Variants in SORL1 observed in about 807,000 individuals in gnomAD.
The protein encoded by SORL1 is sortilin related receptor 1.
SORL1 carries 127 observed loss-of-function variants against 273.7 expected under a neutral mutation model. The ratio of observed to expected loss-of-function variants is 0.46; its 90% CI spans 0.40 to 0.54. The LOEUF is 0.54. Among genes scored for constraint, SORL1 ranks in the 20% least tolerant of loss-of-function variants. SORL1 has a pLI of 0.00. For missense variants in SORL1, 2,494 were observed against 2,846.1 expected (o/e 0.88, Z 2.81); for synonymous variants, 1,031 against 1,067.4 (o/e 0.97, Z 0.66).
At chr11:121,490,464 G>A (rs911548713) in intron 5 of SORL1, among the ~76,000 whole-genome samples, 4 of 152,098 alleles carry the variant, frequency 2.6e-5, no homozygotes, top group African/African-American at 7.2e-5. Context: ...ATTTCGCTGG[G>A]TGCAGTGGCT....
intron 14 of SORL1, among the ~76,000 whole-genome samples, chr11:121,546,606 A>G (rs1862430530): frequency 6.6e-6 from 1 of 152,208 alleles, no homozygotes; most frequent in Non-Finnish European, 1.5e-5. Flanking sequence ...CCTCTGATGT[A>G]TTCTAGACCA....
rs370926618 is a variant in SORL1, at chr11:121,614,864, T to G, written c.5420-7T>G. On this transcript the variant is annotated splice_polypyrimidine_tract_variant and splice_region_variant and intron_variant, in intron 40 of 47. Transcript: ENST00000260197. ...CCTCCTGGAATCTCCTTTTCCTGTT[T>G]TCACAGTTGGCAATCTGACAGCTCA... The G allele has an allele frequency of 2.5e-6, 4 of 1,611,642 alleles. No individual in the cohort carries two copies. The highest frequency in any genetic ancestry group is 2.7e-5 in the African/African-American group (2 of 74,852).
intron 40 of SORL1, among the ~76,000 whole-genome samples, chr11:121,614,062 C>T (rs1863606710): frequency 6.6e-6 from 1 of 152,284 alleles, no homozygotes; most frequent in South Asian, 2.1e-4. Context: ...GGCCTTAAAC[C>T]CCAGTCCTTC....
Position 121,523,016 on chromosome 11 carries a change from C to G in SORL1, c.1596+27C>G, listed in dbSNP as rs747084620. Reference sequence around the variant, plus strand: ...TCAGCCCCCTCCCCCAATCCCGTCCCCTCCACCCTCATTCCCATTTGTGTG... The same window carrying G: ...TCAGCCCCCTCCCCCAATCCCGTCCGCTCCACCCTCATTCCCATTTGTGTG... On this transcript the variant is annotated intron_variant, in intron 11 of 47. Coordinates refer to ENST00000260197, the MANE Select transcript of SORL1 (RefSeq NM_003105.6). 4.2e-6 allele frequency: 6 copies of G among 1,432,452 alleles called. No individual in the cohort carries two copies. In the African/African-American group the frequency reaches 8.4e-5, roughly 20 times the overall value. 88.7% of individuals were successfully genotyped at this position (1,432,452 alleles called of 1,614,324 possible). A position where few individuals can be genotyped will look rare whatever the true frequency, so the allele number is the denominator to read the frequency against.
At chr11:121,465,893 G>C (rs1357491574) in intron 1 of SORL1, among the ~76,000 whole-genome samples, 1 of 152,154 alleles carries the variant, frequency 6.6e-6, no homozygotes. Flanking sequence ...CGGTAGGCGT[G>C]GAGTGGGGCC....
In SORL1 at chr11:121,550,996, G is replaced by C. The variant is rs547683573; in HGVS notation, c.2266+326G>C. ...CTTTTGTGTGTTCCTTAATCTGTTT[G>C]TCAAAGTTGAGTATAAAGAGGTGTG... On this transcript the variant is annotated intron_variant, in intron 16 of 47. Coordinates refer to ENST00000260197, the MANE Select transcript of SORL1 (RefSeq NM_003105.6). The surrounding 1 kb of genome is among the most constrained non-coding windows in gnomAD (Gnocchi z 5.3). Among the ~76,000 whole-genome samples the C allele has an allele frequency of 1.3e-5, 2 of 152,316 alleles. No individual in the cohort carries two copies. Among genetic ancestry groups the C allele is most frequent in the African/African-American group, 4.8e-5 (2 of 41,570 alleles).
Position 121,559,706 on chromosome 11 carries a change from G to A in SORL1, c.3049+49G>A, listed in dbSNP as rs578175118. ...TCTCTGTAGAGTTGATCTCAAGAAAGGGGCTGCGTGTGGCCAATCTCTGCT... is the reference window on the plus strand; with the variant it reads ...TCTCTGTAGAGTTGATCTCAAGAAAAGGGCTGCGTGTGGCCAATCTCTGCT... On this transcript the variant is annotated intron_variant, in intron 21 of 47. Coordinates refer to ENST00000260197, the MANE Select transcript of SORL1 (RefSeq NM_003105.6). 6.9e-6 allele frequency: 11 copies of A among 1,583,970 alleles called. No individual in the cohort carries two copies. The African/African-American group carries it at 8.1e-5, about 12-fold the overall frequency.
chr11:121,459,457 T>A (rs777968168), intron 1 of SORL1, among the ~76,000 whole-genome samples: 144 of 152,258 alleles, frequency 9.5e-4, no homozygotes, highest in Non-Finnish European at 4.3e-4. Context: ...CAGGAGACAG[T>A]GGTCCTTCTT....
chr11:121,576,874 C>T (rs1341142760), intron 24 of SORL1: 1 of 1,535,636 alleles, frequency 6.5e-7, no homozygotes, highest in Non-Finnish European at 8.7e-7. Context: ...CACTCCTTTT[C>T]TCAAACCACA....
chr11:121,554,123 T>C lies in SORL1; in HGVS notation c.2439+14T>C, dbSNP rs779680941. 2 of 1,610,690 alleles carry C rather than the reference T, an allele frequency of 1.2e-6. No individual in the cohort carries two copies. Among genetic ancestry groups the C allele is most frequent in the Admixed American group, 1.7e-5 (1 of 59,876 alleles). ...GACGTCATCCAGGTGAGTCAGCGCTTGGTCTGACTGTGGGAGCTGTGCATC... is the reference window on the plus strand; with the variant it reads ...GACGTCATCCAGGTGAGTCAGCGCTCGGTCTGACTGTGGGAGCTGTGCATC... On this transcript the variant is annotated intron_variant, in intron 17 of 47. Transcript: ENST00000260197. The surrounding 1 kb of genome is among the most constrained non-coding windows in gnomAD (Gnocchi z 4.6).
rs375720691 is a variant in SORL1, at chr11:121,606,860, G to A, written c.4964G>A (p.Arg1655Gln). Reference protein sequence around the residue: ...RTPEGLPDAPRNLQLSLPREA... With the variant: ...RTPEGLPDAPQNLQLSLPREA... Reference sequence around the variant, plus strand: ...CTTTTTCTAGTGCCAGATGCCCCTCGAAATCTCCAGCTGTCACTCCCCAGG... The same window carrying A: ...CTTTTTCTAGTGCCAGATGCCCCTCAAAATCTCCAGCTGTCACTCCCCAGG... The change falls in exon 36 of 48, where the codon CGA becomes CAA. Residue 1655 changes from arginine to glutamine, a missense_variant. Transcript: ENST00000260197. 4 of 1,613,020 alleles carry A rather than the reference G, an allele frequency of 2.5e-6. No homozygotes were observed. The highest frequency in any genetic ancestry group is 1.7e-5 in the Admixed American group (1 of 59,962).
intron 27 of SORL1, among the ~76,000 whole-genome samples, chr11:121,587,042 A>G (rs900380385): frequency 6.6e-6 from 1 of 152,206 alleles, no homozygotes; most frequent in Non-Finnish European, 1.5e-5. Flanking sequence ...ATTTGCATAC[A>G]GTAACTACTA....
chr11:121,512,669 C>T (rs1159404503), intron 6 of SORL1, among the ~76,000 whole-genome samples: 1 of 152,210 alleles, frequency 6.6e-6, no homozygotes, highest in Admixed American at 6.5e-5. Context: ...TCTTCAGCCT[C>T]ATCACACAAT....
chr11:121,473,517 C>T (rs1414198924), intron 2 of SORL1, among the ~76,000 whole-genome samples: 1 of 152,236 alleles, frequency 6.6e-6, no homozygotes, highest in East Asian at 1.9e-4. Flanking sequence ...ATGTATTTTA[C>T]AAAGTACTAG....
intron 5 of SORL1, among the ~76,000 whole-genome samples, chr11:121,490,458 C>T (rs1436073838): frequency 1.3e-5 from 2 of 151,838 alleles, no homozygotes; most frequent in East Asian, 1.9e-4. Flanking sequence ...TCATGCATTT[C>T]GCTGGGTGCA....
chr11:121,565,045 G>A (rs1862735349), intron 21 of SORL1, among the ~76,000 whole-genome samples: 1 of 152,176 alleles, frequency 6.6e-6, no homozygotes, highest in Non-Finnish European at 1.5e-5. Context: ...GTAGCCAGTG[G>A]CCTGTACCTT....
intron 3 of SORL1, among the ~76,000 whole-genome samples, chr11:121,478,500 T>C (rs1419055485): frequency 6.6e-6 from 1 of 152,194 alleles, no homozygotes; most frequent in East Asian, 1.9e-4. Context: ...CCACAGAAAA[T>C]CAGCCAACTC....
rs911407554 is a variant in SORL1 at position 121,452,530 on chromosome 11, A to T, written c.199A>T (p.Arg67Trp). ...GCGGCTGTGGGCGCGCGGGGATGCC[A>T]GGGGGGCGAGCCGCGCGGACGAGAA... The part of the protein sequence containing the change: ...ELRLWARGDA[R>W]GASRADEKPL... Residue 67 changes from arginine (R) to tryptophan (W), a missense_variant, in exon 1 of 48, where the codon AGG (arginine) becomes TGG (tryptophan). By Grantham distance (101) the Arg-to-Trp change is moderately radical. Coordinates refer to ENST00000260197, the MANE Select transcript of SORL1 (RefSeq NM_003105.6). The surrounding 1 kb of genome is among the most constrained non-coding windows in gnomAD (Gnocchi z 5.3). The T allele has an allele frequency of 6.7e-6, 10 of 1,483,750 alleles. No individual in the cohort carries two copies. Among genetic ancestry groups the T allele is most frequent in the South Asian group, 1.3e-5 (1 of 78,108 alleles). 91.9% of individuals were successfully genotyped at this position (1,483,750 alleles called of 1,614,324 possible). A position where few individuals can be genotyped will look rare whatever the true frequency, so the allele number is the denominator to read the frequency against.
intron 6 of SORL1, among the ~76,000 whole-genome samples, chr11:121,501,536 AAG>A (rs1216190447): frequency 6.6e-6 from 1 of 152,218 alleles, no homozygotes; most frequent in African/African-American, 2.4e-5. Context: ...TATAAAGAAA[AAG>A]AGGTTTAATA....
Sources: gnomAD v4.1 joint callset for allele counts (sites outside exome capture counted in the v4.1 genomes callset) on GRCh38, gnomAD v4.1.1 for gene constraint, Gnocchi (gnomAD v3.1) non-coding constraint, MANE v1.5 for transcripts, NCBI Gene and HGNC (gene_info 2026-07-23, HGNC 2026-07-21) for gene names.